The following CACNA1D variants were observed in gnomAD, a reference collection of about 807,000 sequenced individuals.
CACNA1D encodes the protein calcium voltage-gated channel subunit alpha1 D.
In CACNA1D, 55 loss-of-function variants were observed where a neutral mutation model predicts 257.1. The ratio of observed to expected loss-of-function variants is 0.21; its 90% CI spans 0.17 to 0.27. The LOEUF is 0.27. Among genes scored for constraint, CACNA1D ranks in the 10% least tolerant of loss-of-function variants. The pLI is 1.00. For missense variants in CACNA1D, 1,876 were observed against 2,784.0 expected, an observed-to-expected ratio of 0.67 and a Z score of 7.34; for synonymous variants, 980 against 1,014.9, an observed-to-expected ratio of 0.97 and a Z score of 0.65.
intron 3 of CACNA1D, among the ~76,000 whole-genome samples, chr3:53,649,382 CT>C (rs1396206080): frequency 6.6e-6 from 1 of 152,234 alleles, no homozygotes; most frequent in South Asian, 2.1e-4. Context: ...TAGCAAAGTG[CT>C]TTTTTTCCCC....
At chr3:53,708,304 G>T (rs2612015) in intron 9 of CACNA1D, among the ~76,000 whole-genome samples, 104,879 of 152,188 alleles carry the variant, frequency 0.69, 36,567 homozygotes, top group East Asian at 0.86. Context: ...AGATACTCAA[G>T]TAAAAGCTGT....
intron 3 of CACNA1D, among the ~76,000 whole-genome samples, chr3:53,606,811 T>C (rs898415481): frequency 2.6e-5 from 4 of 152,350 alleles, no homozygotes; most frequent in African/African-American, 9.6e-5. Flanking sequence ...TTGTGCCCTA[T>C]CTAGTCAGTC....
intron 3 of CACNA1D, among the ~76,000 whole-genome samples, chr3:53,560,248 T>C (rs1212222097): frequency 1.3e-5 from 2 of 152,104 alleles, no homozygotes; most frequent in Admixed American, 6.5e-5. Context: ...TCTAGTCTCA[T>C]TTCTCAATCT....
At position 53,812,206 on chromosome 3, in the gene CACNA1D, T is replaced by A. The variant is rs2095603654; in HGVS notation, c.*800T>A. 1 of 152,260 alleles carries A rather than the reference T, an allele frequency of 6.6e-6. No homozygotes were observed. The highest frequency in any genetic ancestry group is 1.5e-5 in the Non-Finnish European group (1 of 68,052). 9.4% of individuals were successfully genotyped at this position (152,260 alleles called of 1,614,324 possible). A position where few individuals can be genotyped will look rare whatever the true frequency, so the allele number is the denominator to read the frequency against. Reference sequence around the variant, plus strand: ...ATAATTTGTATTTGTAAAGAGATGGTCTATATTTTGTAATTACTGTATTGT... The same window carrying A: ...ATAATTTGTATTTGTAAAGAGATGGACTATATTTTGTAATTACTGTATTGT... On this transcript the variant is annotated 3_prime_UTR_variant, in exon 48 of 48. Transcript: ENST00000350061.
chr3:53,520,890 CTTTCTTTTCT>C (rs777679306), intron 3 of CACNA1D, among the ~76,000 whole-genome samples: 11,164 of 120,092 alleles, frequency 0.093, 529 homozygotes, highest in East Asian at 0.23. Context: ...TTCTTTCTTT[CTTTCTTTTCT>C]TTTCTTTTCT....
chr3:53,534,476 C>T (rs2092052777), intron 3 of CACNA1D, among the ~76,000 whole-genome samples: 1 of 152,230 alleles, frequency 6.6e-6, no homozygotes, highest in Non-Finnish European at 1.5e-5. Context: ...ACCTCCGCAT[C>T]TTCCTGCCTG....
intron 3 of CACNA1D, among the ~76,000 whole-genome samples, chr3:53,524,503 C>A (rs1045445470): frequency 6.6e-6 from 1 of 152,174 alleles, no homozygotes; most frequent in African/African-American, 2.4e-5. Flanking sequence ...GCATGAAAAT[C>A]TTAAAAACAG....
chr3:53,538,313 T>A (rs999261244), intron 3 of CACNA1D, among the ~76,000 whole-genome samples: 2 of 151,896 alleles, frequency 1.3e-5, no homozygotes, highest in Non-Finnish European at 2.9e-5. Context: ...ATGCGTGCCA[T>A]GTCTGGCTAA....
chr3:53,800,463 T>G lies in CACNA1D; in HGVS notation c.5040+98T>G. On this transcript the variant is annotated intron_variant, in intron 41 of 47. Coordinates refer to ENST00000350061, the MANE Select transcript of CACNA1D (RefSeq NM_001128840.3). The surrounding 1 kb of genome is among the most constrained non-coding windows in gnomAD (Gnocchi z 4.3). ...ATCATCCACAGAAGAGTCTGGAGAA[T>G]GCAGCCCATCCCCAGGGCCTAGAGG... 1 of 869,822 alleles carries G rather than the reference T, an allele frequency of 1.1e-6. No homozygotes were observed. The highest frequency in any genetic ancestry group is 1.7e-5 in the Admixed American group (1 of 58,978). 53.9% of individuals were successfully genotyped at this position (869,822 alleles called of 1,614,324 possible).
At chr3:53,614,349 C>A (rs140914299) in intron 3 of CACNA1D, among the ~76,000 whole-genome samples, 8 of 152,090 alleles carry the variant, frequency 5.3e-5, no homozygotes, top group African/African-American at 1.9e-4. Flanking sequence ...CTGGAATTTG[C>A]CAGAAATCCG....
chr3:53,740,810 C>T (rs2095110025), intron 21 of CACNA1D, among the ~76,000 whole-genome samples: 2 of 152,144 alleles, frequency 1.3e-5, no homozygotes, highest in Admixed American at 1.3e-4. Flanking sequence ...TTTTTCCACC[C>T]TTTCTGACAT....
At chr3:53,502,170 G>T (rs985021354) in intron 3 of CACNA1D, among the ~76,000 whole-genome samples, 2 of 151,398 alleles carry the variant, frequency 1.3e-5, no homozygotes, top group East Asian at 3.9e-4. Context: ...TAGAGAAGTA[G>T]AATATAACAA....
intron 30 of CACNA1D, among the ~76,000 whole-genome samples, chr3:53,769,677 G>T (rs926283967): frequency 6.6e-6 from 1 of 152,222 alleles, no homozygotes; most frequent in Non-Finnish European, 1.5e-5. Context: ...AGAAGCGGGG[G>T]CACACTCTGC....
intron 3 of CACNA1D, among the ~76,000 whole-genome samples, chr3:53,548,374 A>T (rs868519767): frequency 0.064 from 3,782 of 59,510 alleles, 164 homozygotes; most frequent in African/African-American, 0.19. Context: ...TTTTTTTTAA[A>T]AATTATCTTT....
At chr3:53,566,331 A>G (rs575068783) in intron 3 of CACNA1D, among the ~76,000 whole-genome samples, 68 of 152,018 alleles carry the variant, frequency 4.5e-4, no homozygotes, top group Non-Finnish European at 7.7e-4. Flanking sequence ...CTTTCACCCC[A>G]AGCATTTGCT....
intron 29 of CACNA1D, among the ~76,000 whole-genome samples, chr3:53,761,290 C>T (rs967517786): frequency 6.6e-6 from 1 of 152,210 alleles, no homozygotes; most frequent in African/African-American, 2.4e-5. Flanking sequence ...CTCTTCATTC[C>T]ATACTCTTTT....
At chr3:53,667,996 A>C (rs150537461) in intron 7 of CACNA1D, among the ~76,000 whole-genome samples, 1 of 152,248 alleles carries the variant, frequency 6.6e-6, no homozygotes, top group Non-Finnish European at 1.5e-5. Context: ...CATTTTTGCT[A>C]TTATTTCCTA....
At chr3:53,541,015 T>G (rs1326364295) in intron 3 of CACNA1D, among the ~76,000 whole-genome samples, 2 of 152,208 alleles carry the variant, frequency 1.3e-5, no homozygotes, top group African/African-American at 4.8e-5. Context: ...GTGCTGAGAT[T>G]GCAGGCGTGA....
intron 37 of CACNA1D, 26 bp downstream of exon 37, chr3:53,776,982 C>T (rs373184179): frequency 1.3e-6 from 2 of 1,539,384 alleles, no homozygotes; most frequent in Non-Finnish European, 1.8e-6. Context: ...GCGTGTCTGA[C>T]AGCCTGTCTT....
Sources: gnomAD v4.1 joint callset for allele counts (sites outside exome capture counted in the v4.1 genomes callset) on GRCh38, gnomAD v4.1.1 for gene constraint, Gnocchi (gnomAD v3.1) non-coding constraint, MANE v1.5 for transcripts, NCBI Gene and HGNC (gene_info 2026-07-23, HGNC 2026-07-21) for gene names.